SERPINE3: variants seen among roughly 807,000 people sequenced by gnomAD.
The protein encoded by SERPINE3 is serpin E3.
In SERPINE3, 43 loss-of-function variants were observed where a neutral mutation model predicts 41.7. The observed-to-expected ratio is 1.03, with a 90% CI of 0.81 to 1.33. SERPINE3 has a LOEUF of 1.33. SERPINE3 is among the 40% of genes most tolerant of loss of function. SERPINE3 has a pLI of 0.00. For missense variants in SERPINE3, 440 were observed against 491.7 expected (o/e 0.89, Z 0.99); for synonymous variants, 200 against 192.2 (o/e 1.04, Z -0.34).
intron 7 of SERPINE3, among the ~76,000 whole-genome samples, chr13:51,360,757 CAATAAA>C (rs1281421765): frequency 2.0e-5 from 3 of 151,996 alleles, no homozygotes; most frequent in Admixed American, 2.0e-4. Context: ...AATTGTGCCT[CAATAAA>C]GCCTGTAATA....
intron 7 of SERPINE3, among the ~76,000 whole-genome samples, chr13:51,359,364 G>C (rs879371577): frequency 6.6e-6 from 1 of 152,094 alleles, no homozygotes; most frequent in Admixed American, 6.6e-5. Context: ...TTGGTCTTTT[G>C]AAATGTCAAC....
chr13:51,349,568 A>G (rs1464093219), intron 6 of SERPINE3, among the ~76,000 whole-genome samples: 2 of 152,348 alleles, frequency 1.3e-5, no homozygotes, highest in Non-Finnish European at 2.9e-5. Flanking sequence ...GGCTGGTGCG[A>G]GAATTCGCCA....
Position 51,364,538 on chromosome 13 carries a change from G to C in SERPINE3, c.*256G>C, listed in dbSNP as rs1162100326. ...CACTAAAAGGCACAGCAGTGATCAT[G>C]AATGGTGAGTGAGTCAGGCCATAAG... On this transcript the variant is annotated 3_prime_UTR_variant, in exon 10 of 10. Coordinates refer to ENST00000681248, the MANE Select transcript of SERPINE3 (RefSeq NM_001386375.1). 5.7e-6 allele frequency: 2 copies of C among 352,848 alleles called. No individual in the cohort carries two copies. The highest frequency in any genetic ancestry group is 1.0e-5 in the Non-Finnish European group (2 of 196,874). 21.9% of individuals were successfully genotyped at this position (352,848 alleles called of 1,614,324 possible). A position where few individuals can be genotyped will look rare whatever the true frequency, so the allele number is the denominator to read the frequency against.
Position 51,347,172 on chromosome 13 carries a change from C to T in SERPINE3, c.638C>T (p.Thr213Ile), listed in dbSNP as rs1226694366. The change falls in exon 5 of 10, where the codon ACC becomes ATC. Residue 213 changes from threonine to isoleucine, a missense_variant. By Grantham distance (89) the Thr-to-Ile change is moderately conservative (BLOSUM62 -1). Coordinates refer to ENST00000681248, the MANE Select transcript of SERPINE3 (RefSeq NM_001386375.1). ...ACAGACACACAGATCCTGCCTTTCACCTGTGCCTATGGCCTCGTCCTTCAG... is the reference window on the plus strand; with the variant it reads ...ACAGACACACAGATCCTGCCTTTCATCTGTGCCTATGGCCTCGTCCTTCAG... ...SSTDTQILPF[T>I]CAYGLVLQVP... The T allele has an allele frequency of 6.2e-7, 1 of 1,614,014 alleles. No individual in the cohort carries two copies. Among genetic ancestry groups the T allele is most frequent in the Non-Finnish European group, 8.5e-7 (1 of 1,179,886 alleles).
intron 6 of SERPINE3, among the ~76,000 whole-genome samples, chr13:51,349,992 T>C (rs1294300412): frequency 6.6e-6 from 1 of 152,156 alleles, no homozygotes; most frequent in East Asian, 1.9e-4. Flanking sequence ...CTCTCTTAGG[T>C]CTAGATTTAG....
chr13:51,344,810 T>TC (rs1955330234), intron 4 of SERPINE3, among the ~76,000 whole-genome samples: 1 of 152,034 alleles, frequency 6.6e-6, no homozygotes, highest in Non-Finnish European at 1.5e-5. Context: ...CATGCAACTG[T>TC]CCCCCGACTG....
In SERPINE3 at chr13:51,364,526, A is replaced by G. The variant is rs1955648236; in HGVS notation, c.*244A>G. The G allele has an allele frequency of 2.6e-6, 1 of 383,750 alleles. No homozygotes were observed. Among genetic ancestry groups the G allele is most frequent in the Non-Finnish European group, 4.6e-6 (1 of 215,234 alleles). The allele number at this position is 383,750 out of a possible 1,614,324, so 23.8% of individuals were successfully genotyped here. On this transcript the variant is annotated 3_prime_UTR_variant, in exon 10 of 10. Transcript: ENST00000681248. ...TACCCCCCAAACCACTAAAAGGCAC[A>G]GCAGTGATCATGAATGGTGAGTGAG... is the stretch of plus-strand genomic sequence containing the variant.
chr13:51,348,820 A>G (rs1955377970), intron 6 of SERPINE3, among the ~76,000 whole-genome samples: 1 of 152,396 alleles, frequency 6.6e-6, no homozygotes, highest in South Asian at 2.1e-4. Flanking sequence ...TTCCAAAACC[A>G]AAGAGATAAG....
intron 6 of SERPINE3, among the ~76,000 whole-genome samples, chr13:51,353,221 ATAT>A (rs71727371): frequency 0.025 from 3,775 of 152,288 alleles, 61 homozygotes; most frequent in South Asian, 0.056. Flanking sequence ...ATGAAAAATG[ATAT>A]TATCCAGTTT....
intron 7 of SERPINE3, among the ~76,000 whole-genome samples, chr13:51,355,916 C>T (rs7996243): frequency 0.17 from 26,337 of 152,088 alleles, 2,542 homozygotes; most frequent in South Asian, 0.34. Flanking sequence ...TTGGCCTTGA[C>T]ATTTCCCTTA....
At chr13:51,359,844 G>A (rs1955536185) in intron 7 of SERPINE3, among the ~76,000 whole-genome samples, 1 of 152,028 alleles carries the variant, frequency 6.6e-6, no homozygotes, top group South Asian at 2.1e-4. Flanking sequence ...GCTAGTAAGA[G>A]GGGCTAATTA....
At chr13:51,345,996 G>A (rs549325628) in intron 4 of SERPINE3, among the ~76,000 whole-genome samples, 18 of 152,168 alleles carry the variant, frequency 1.2e-4, no homozygotes, top group Non-Finnish European at 2.1e-4. Flanking sequence ...TGGGTGGATG[G>A]TGGCTTCACC....
At chr13:51,348,582 AT>A (rs1174886262) in intron 6 of SERPINE3, 171 bp downstream of exon 6, 2 of 590,350 alleles carry the variant, frequency 3.4e-6, no homozygotes, top group Non-Finnish European at 6.0e-6. Context: ...GTTTGAGTTC[AT>A]TTCAGAGCCA....
chr13:51,355,265 TTTTATA>T, intron 7 of SERPINE3, 122 bp downstream of exon 7: 1 of 603,228 alleles, frequency 1.7e-6, no homozygotes, highest in Non-Finnish European at 3.0e-6. Context: ...AGGTGCTCTG[TTTTATA>T]TAAGAATGTG....
In SERPINE3 at chr13:51,364,496, C is replaced by T. The variant is rs975863153; in HGVS notation, c.*214C>T. On this transcript the variant is annotated 3_prime_UTR_variant, in exon 10 of 10. Coordinates refer to ENST00000681248, the MANE Select transcript of SERPINE3 (RefSeq NM_001386375.1). The stretch of plus-strand genomic sequence containing the variant: ...AAATCTATTTTGACCTTCTTTTCTA[C>T]TGCTTACCCCCCAAACCACTAAAAG... 9 of 453,594 alleles carry T rather than the reference C, an allele frequency of 2.0e-5. No individual in the cohort carries two copies. Among genetic ancestry groups the T allele is most frequent in the Non-Finnish European group, 3.1e-5 (8 of 257,052 alleles). The allele number at this position is 453,594 out of a possible 1,614,324, so 28.1% of individuals were successfully genotyped here. A position where few individuals can be genotyped will look rare whatever the true frequency, so the allele number is the denominator to read the frequency against.
intron 6 of SERPINE3, chr13:51,354,395 C>A (rs1193865986): frequency 6.6e-6 from 1 of 152,108 alleles, no homozygotes; most frequent in African/African-American, 2.4e-5. Context: ...TGATAATCCA[C>A]ATAAAGCTCT....
intron 5 of SERPINE3, 140 bp downstream of exon 5, chr13:51,347,374 C>A: frequency 4.1e-6 from 3 of 725,978 alleles, no homozygotes; most frequent in Non-Finnish European, 4.6e-6. Flanking sequence ...GCATGCATGG[C>A]GGAAGGAAAG....
At chr13:51,342,124 C>T (rs77483578) in intron 3 of SERPINE3, among the ~76,000 whole-genome samples, 1,693 of 143,798 alleles carry the variant, frequency 0.012, 25 homozygotes, top group East Asian at 0.072. Flanking sequence ...GATACTCACA[C>T]ACATTAACAT....
chr13:51,361,062 T>C (rs1566197624), intron 7 of SERPINE3, among the ~76,000 whole-genome samples: 1 of 152,018 alleles, frequency 6.6e-6, no homozygotes, highest in Non-Finnish European at 1.5e-5. Context: ...TATAACAAAT[T>C]AAAGTTTGGT....
Sources: allele counts gnomAD v4.1 joint callset (sites outside exome capture counted in the v4.1 genomes callset), GRCh38; gene constraint gnomAD v4.1.1; transcripts MANE v1.5; gene names NCBI Gene and HGNC (gene_info 2026-07-23, HGNC 2026-07-21).